KIF15: variants seen among roughly 807,000 people sequenced by gnomAD.
The protein encoded by KIF15 is kinesin family member 15, also known as kinesin-like protein KIF15.
Under a neutral mutation model 190.6 loss-of-function variants are expected in KIF15, and 140 were observed. The observed-to-expected ratio is 0.73, with a 90% CI of 0.64 to 0.84. The LOEUF (loss-of-function observed/expected upper bound fraction) is 0.84. Among genes scored for constraint, KIF15 ranks in the 40% least tolerant of loss-of-function variants. The probability of loss-of-function intolerance (pLI) is 0.00; values close to 1 mark genes in which losing one functional copy is unlikely to be tolerated. For synonymous variants in KIF15, 528 were observed against 551.3 expected (o/e 0.96, Z 0.59); for missense variants, 1,372 against 1,584.4 (o/e 0.87, Z 2.28).
intron 29 of KIF15, 37 bp from the exon 30 acceptor site, chr3:44,843,088 A>T (rs747070099): frequency 6.7e-7 from 1 of 1,498,288 alleles, no homozygotes; most frequent in South Asian, 1.2e-5. Context: ...GCCTACTGTA[A>T]TGTGTTTTTT....
chr3:44,861,767 C>A, intron 6 of KIF15: 1 of 800,074 alleles, frequency 1.2e-6, no homozygotes, highest in Non-Finnish European at 1.9e-6. Flanking sequence ...GTCTCTGCCA[C>A]CTGGCCCGCC....
At chr3:44,827,988 T>C (rs1697766365) in intron 23 of KIF15, among the ~76,000 whole-genome samples, 1 of 152,162 alleles carries the variant, frequency 6.6e-6, no homozygotes, top group Non-Finnish European at 1.5e-5. Context: ...CTATTGTTTT[T>C]CGACTCTTGT....
intron 16 of KIF15, among the ~76,000 whole-genome samples, chr3:44,807,746 A>C (rs886068703): frequency 4.0e-5 from 6 of 151,816 alleles, no homozygotes; most frequent in African/African-American, 1.5e-4. Context: ...AGTTTGTCCC[A>C]TGTCTGCAGG....
chr3:44,843,069 C>A, intron 29 of KIF15, 56 bp from the exon 30 acceptor site: 2 of 1,335,678 alleles, frequency 1.5e-6, no homozygotes, highest in Non-Finnish European at 2.1e-6. Flanking sequence ...CCTTGGGGAG[C>A]TAAATGAAGC....
chr3:44,766,247 C>T (rs185123447), intron 1 of KIF15, among the ~76,000 whole-genome samples: 2 of 152,248 alleles, frequency 1.3e-5, no homozygotes, highest in East Asian at 1.9e-4. Context: ...AATCTCAGAG[C>T]CTGGGGACTT....
chr3:44,826,601 G>C (rs1209276494), intron 22 of KIF15, 141 bp downstream of exon 22: 2 of 597,032 alleles, frequency 3.3e-6, no homozygotes, highest in Non-Finnish European at 5.8e-6. Context: ...AGGTTCTTTT[G>C]TATAAATGGC....
chr3:44,821,348 A>G (rs1708288726), intron 20 of KIF15, among the ~76,000 whole-genome samples: 2 of 146,924 alleles, frequency 1.4e-5, no homozygotes, highest in Admixed American at 6.7e-5. Flanking sequence ...CGGGGCGGTG[A>G]CGCTCCTCAC....
intron 6 of KIF15, among the ~76,000 whole-genome samples, chr3:44,866,779 A>G (rs982781971): frequency 1.6e-4 from 24 of 152,166 alleles, no homozygotes; most frequent in African/African-American, 5.6e-4. Flanking sequence ...CTCTTCCGCA[A>G]TGACTCCTTA....
chr3:44,861,328 T>C (rs906882143), intron 6 of KIF15, among the ~76,000 whole-genome samples: 1 of 152,270 alleles, frequency 6.6e-6, no homozygotes, highest in African/African-American at 2.4e-5. Flanking sequence ...AACAGGAGAT[T>C]AGAAGTCATG....
chr3:44,764,728 T>A (rs950591739), intron 1 of KIF15, among the ~76,000 whole-genome samples: 1 of 100,406 alleles, frequency 1.0e-5, no homozygotes, highest in African/African-American at 4.0e-5. Flanking sequence ...AACCTCCATC[T>A]CTGTTCAAGT....
At position 44,853,043 on chromosome 3, in the gene KIF15, T is replaced by C. The variant is rs1699117386; in HGVS notation, c.*308T>C. On this transcript the variant is annotated 3_prime_UTR_variant, in exon 35 of 35. Coordinates refer to ENST00000326047, the MANE Select transcript of KIF15 (RefSeq NM_020242.3). ...TTTACAGTGGACATTAGCCAGATCA[T>C]TTTCTTCTTAGATTATGCCATAATC... 1 of 194,754 alleles carries C rather than the reference T, an allele frequency of 5.1e-6. No homozygotes were observed. The highest frequency in any genetic ancestry group is 1.0e-5 in the Non-Finnish European group (1 of 97,010). The allele number at this position is 194,754 out of a possible 1,614,324, so 12.1% of individuals were successfully genotyped here. A position where few individuals can be genotyped will look rare whatever the true frequency, so the allele number is the denominator to read the frequency against.
At chr3:44,768,456 A>C (rs896202517) in intron 1 of KIF15, among the ~76,000 whole-genome samples, 8 of 152,298 alleles carry the variant, frequency 5.3e-5, no homozygotes, top group Admixed American at 1.3e-4. Context: ...GTGATACACC[A>C]GCTGAAGAGG....
chr3:44,790,461 C>A (rs999605890), intron 7 of KIF15, among the ~76,000 whole-genome samples: 7 of 152,086 alleles, frequency 4.6e-5, no homozygotes, highest in Non-Finnish European at 7.4e-5. Context: ...CAAAATAACA[C>A]TGAATGAAGT....
At chr3:44,763,302 C>G (rs935074454) in intron 1 of KIF15, among the ~76,000 whole-genome samples, 1 of 152,116 alleles carries the variant, frequency 6.6e-6, no homozygotes, top group African/African-American at 2.4e-5. Flanking sequence ...GGCTATCTCT[C>G]TCTCTCTTTT....
At chr3:44,830,160 A>C in intron 25 of KIF15, 85 bp downstream of exon 25, 1 of 566,494 alleles carries the variant, frequency 1.8e-6, no homozygotes, top group Non-Finnish European at 2.9e-6. Context: ...GCTCCACCAG[A>C]AAAAAGATTC....
chr3:44,845,553 G>C (rs377293239), intron 30 of KIF15, among the ~76,000 whole-genome samples: 9 of 152,126 alleles, frequency 5.9e-5, no homozygotes, highest in Admixed American at 6.5e-5. Flanking sequence ...GGCCCCTGTG[G>C]TGGCTGAGGC....
At chr3:44,840,992 A>G in intron 28 of KIF15, 82 bp from the exon 29 acceptor site, 2 of 1,295,002 alleles carry the variant, frequency 1.5e-6, no homozygotes, top group Non-Finnish European at 2.2e-6. Flanking sequence ...AATATTTTTT[A>G]TGTACTTGAC....
rs189405714 is a variant in KIF15, at chr3:44,783,783, T to C, written c.362-1062T>C. 3.9e-5 allele frequency among the ~76,000 whole-genome samples: 6 copies of C among 152,338 alleles called. No homozygotes were observed. The East Asian group carries it at 1.2e-3, about 29-fold the overall frequency. On this transcript the variant is annotated intron_variant, in intron 5 of 34. Transcript: ENST00000326047. The stretch of plus-strand genomic sequence containing the variant: ...ACAACTATTATATTTTAAAATTTAT[T>C]CTCTATTTTTCTTGTGCATGTCAGC...
At chr3:44,796,933 T>C (rs1161528910) in intron 8 of KIF15, among the ~76,000 whole-genome samples, 2 of 152,194 alleles carry the variant, frequency 1.3e-5, no homozygotes, top group Non-Finnish European at 2.9e-5. Flanking sequence ...TTTTTTTCCC[T>C]ATTTTTTTCT....
Sources: allele counts gnomAD v4.1 joint callset (sites outside exome capture counted in the v4.1 genomes callset), GRCh38; gene constraint gnomAD v4.1.1; transcripts MANE v1.5; gene names NCBI Gene and HGNC (gene_info 2026-07-23, HGNC 2026-07-21).